Variants in GRID2 observed in about 807,000 individuals in gnomAD.
GRID2 encodes glutamate ionotropic receptor delta type subunit 2.
GRID2 carries 33 observed loss-of-function variants against 114.8 expected under a neutral mutation model. The observed-to-expected ratio is 0.29, with a 90% CI of 0.22 to 0.38. GRID2 has a LOEUF of 0.38. Ranked by LOEUF, GRID2 falls within the 10% of genes least tolerant of loss-of-function variation. The probability of loss-of-function intolerance (pLI) is 1.00; values close to 1 mark genes in which losing one functional copy is unlikely to be tolerated. For synonymous variants in GRID2, 505 were observed against 449.9 expected (o/e 1.12, Z -1.55); for missense variants, 1,184 against 1,257.7 (o/e 0.94, Z 0.89).
intron 2 of GRID2, among the ~76,000 whole-genome samples, chr4:92,669,978 A>C (rs918162909): frequency 6.6e-6 from 1 of 151,952 alleles, no homozygotes; most frequent in African/African-American, 2.4e-5. Flanking sequence ...GCCGGCCTTG[A>C]TTTGCAAAGG....
chr4:92,839,538 A>G (rs746860268), intron 2 of GRID2, among the ~76,000 whole-genome samples: 4 of 151,578 alleles, frequency 2.6e-5, no homozygotes, highest in Non-Finnish European at 5.9e-5. Flanking sequence ...AACTTTTTAA[A>G]GAAAAGTTTT....
At chr4:92,961,770 T>A (rs556300136) in intron 2 of GRID2, among the ~76,000 whole-genome samples, 1 of 151,980 alleles carries the variant, frequency 6.6e-6, no homozygotes, top group South Asian at 2.1e-4. Context: ...TCTTTTTTTT[T>A]AATTCTTCTT....
intron 2 of GRID2, among the ~76,000 whole-genome samples, chr4:92,880,281 T>G (rs923622588): frequency 6.6e-6 from 1 of 152,178 alleles, no homozygotes; most frequent in Non-Finnish European, 1.5e-5. Context: ...ACAACTGGTC[T>G]TTGAGGGGCT....
intron 14 of GRID2, among the ~76,000 whole-genome samples, chr4:93,752,570 C>T (rs529844906): frequency 1.3e-5 from 2 of 152,186 alleles, no homozygotes; most frequent in African/African-American, 4.8e-5. Flanking sequence ...CAGGGTTTCA[C>T]TGTGTTAGCC....
chr4:93,023,547 A>G (rs1723596245), intron 2 of GRID2, among the ~76,000 whole-genome samples: 1 of 151,918 alleles, frequency 6.6e-6, no homozygotes, highest in African/African-American at 2.4e-5. Flanking sequence ...TCACAAAGGA[A>G]TTAAAATATG....
chr4:93,786,712 T>TATC (rs755318801), intron 1 of GRID2, among the ~76,000 whole-genome samples: 91 of 152,322 alleles, frequency 6.0e-4, no homozygotes, highest in Middle Eastern at 3.4e-3. Context: ...ATAGAAAAGC[T>TATC]ATCTAGAGCA....
chr4:92,805,356 T>C (rs1298720876), intron 2 of GRID2, among the ~76,000 whole-genome samples: 2 of 152,084 alleles, frequency 1.3e-5, no homozygotes, highest in Admixed American at 1.3e-4. Context: ...AATTCTCTTT[T>C]TGGTGTTAAT....
intron 9 of GRID2, among the ~76,000 whole-genome samples, chr4:93,398,133 G>GTGTGTGTGTGTGTGTGTATATATATA: frequency 8.2e-6 from 1 of 122,336 alleles, no homozygotes; most frequent in African/African-American, 3.9e-5. Context: ...ATGTGTGTGT[G>GTGTGTGTGTGTGTGTGTATATATATA]TATATATATA....
Position 93,772,345 on chromosome 4 carries a change from G to T in GRID2, c.2871G>T (p.Val957=), listed in dbSNP as rs1339066610. 3.1e-6 allele frequency: 5 copies of T among 1,614,098 alleles called. No homozygotes were observed. The South Asian group carries it at 3.3e-5, about 11-fold the overall frequency. The part of the protein sequence containing the change: ...KAASGFTFGN[V]PEHRTGPFRH... ...CTTCTGGTTTCACTTTTGGCAACGT[G>T]CCTGAGCACCGAACTGGCCCTTTTA... The change falls in exon 16 of 16, where the codon GTG becomes GTT. Residue 957 remains valine, a synonymous_variant. Coordinates refer to ENST00000282020, the MANE Select transcript of GRID2 (RefSeq NM_001510.4).
intron 1 of GRID2, among the ~76,000 whole-genome samples, chr4:92,337,732 CT>C (rs1368179807): frequency 1.3e-5 from 2 of 152,280 alleles, no homozygotes; most frequent in East Asian, 3.9e-4. Context: ...AGGTCTCTCC[CT>C]TGATACCTAG....
At chr4:92,849,827 T>C (rs1182059979) in intron 2 of GRID2, among the ~76,000 whole-genome samples, 2 of 151,768 alleles carry the variant, frequency 1.3e-5, no homozygotes, top group African/African-American at 2.4e-5. Context: ...AATTTGTACT[T>C]ATTTTCCTTG....
At chr4:92,846,897 A>G (rs1743368203) in intron 2 of GRID2, among the ~76,000 whole-genome samples, 1 of 152,100 alleles carries the variant, frequency 6.6e-6, no homozygotes, top group Admixed American at 6.6e-5. Flanking sequence ...TCAGTCATAG[A>G]AAGATTCCCA....
Position 93,286,717 on chromosome 4 carries a change from G to GTA in GRID2, c.1245+48228_1245+48229insAT, listed in dbSNP as rs1460188955. On this transcript the variant is annotated intron_variant, in intron 8 of 15. Transcript: ENST00000282020. ...GGGGTGTGTGTGTGTGTGTGTGTGT[G>GTA]TGTATGTTCCCACATTAGTTGTGGA... Among the ~76,000 whole-genome samples the GTA allele has an allele frequency of 8.7e-3, 1,265 of 145,066 alleles. 15 individuals are homozygous for GTA. The highest frequency in any genetic ancestry group is 0.035 in the African/African-American group (1,211 of 35,098).
chr4:93,414,685 T>TATATATATATATATATATATATATA (rs1553925780), intron 9 of GRID2, among the ~76,000 whole-genome samples: 2 of 140,518 alleles, frequency 1.4e-5, no homozygotes, highest in Non-Finnish European at 3.1e-5. Context: ...ATCTGACATT[T>TATATATATATATATATATATATATA]TATATATATA....
chr4:92,777,498 ACTT>A (rs1738867420), intron 2 of GRID2, among the ~76,000 whole-genome samples: 1 of 152,062 alleles, frequency 6.6e-6, no homozygotes, highest in Non-Finnish European at 1.5e-5. Context: ...TGATACTACT[ACTT>A]TTCTTTTTAG....
At position 92,411,655 on chromosome 4, in the gene GRID2, G is replaced by GTGTGTGTATATA; in HGVS notation, c.88+106912_88+106913insGTGTGTATATAT. On this transcript the variant is annotated intron_variant, in intron 1 of 15. Coordinates refer to ENST00000282020, the MANE Select transcript of GRID2 (RefSeq NM_001510.4). ...TGTGTGTGTGTGTGTGTGTGTGTGTGTATATATATATATATATATATATGA... is the reference window on the plus strand; with the variant it reads ...TGTGTGTGTGTGTGTGTGTGTGTGTGTGTGTGTATATATATATATATATATATATATATATGA... 2.5e-3 allele frequency among the ~76,000 whole-genome samples: 210 copies of GTGTGTGTATATA among 84,688 alleles called. 1 individual carries two copies. The highest frequency in any genetic ancestry group is 0.01 in the African/African-American group (171 of 17,092). The allele number at this position is 84,688 out of a possible 152,430, so 55.6% of individuals were successfully genotyped here. A position where few individuals can be genotyped will look rare whatever the true frequency, so the allele number is the denominator to read the frequency against.
chr4:92,484,006 G>A (rs1445583746), intron 1 of GRID2, among the ~76,000 whole-genome samples: 2 of 152,098 alleles, frequency 1.3e-5, no homozygotes, highest in Non-Finnish European at 2.9e-5. Context: ...AAAGCAAGGT[G>A]CTCTCCATGT....
intron 4 of GRID2, among the ~76,000 whole-genome samples, chr4:93,137,016 A>G (rs1735319995): frequency 6.6e-6 from 1 of 152,216 alleles, no homozygotes; most frequent in African/African-American, 2.4e-5. Flanking sequence ...ACAAAAATTA[A>G]TATAGAAGTG....
At chr4:92,460,930 T>C (rs1721463976) in intron 1 of GRID2, among the ~76,000 whole-genome samples, 1 of 151,940 alleles carries the variant, frequency 6.6e-6, no homozygotes, top group Non-Finnish European at 1.5e-5. Flanking sequence ...AGAAAAAAAT[T>C]ACATAAAAGA....
Sources: allele counts gnomAD v4.1 joint callset (sites outside exome capture counted in the v4.1 genomes callset), GRCh38; gene constraint gnomAD v4.1.1; transcripts MANE v1.5; gene names NCBI Gene and HGNC (gene_info 2026-07-23, HGNC 2026-07-21).